Variants in PDE3B observed in about 807,000 individuals in gnomAD.
PDE3B encodes the protein cGMP-inhibited 3',5'-cyclic phosphodiesterase 3B.
A neutral mutation model predicts 116.8 loss-of-function variants in PDE3B; 66 were observed. The observed-to-expected ratio is 0.56, with a 90% confidence interval of 0.46 to 0.69. The LOEUF (loss-of-function observed/expected upper bound fraction) is 0.69, where lower values mean the gene tolerates loss of function less well. Ranked by LOEUF, PDE3B falls within the 30% of genes least tolerant of loss-of-function variation. The pLI is 0.00. For missense variants in PDE3B, 1,384 were observed against 1,368.1 expected (o/e 1.01, Z -0.18); for synonymous variants, 595 against 533.6 (o/e 1.12, Z -1.59).
intron 1 of PDE3B, among the ~76,000 whole-genome samples, chr11:14,662,906 T>G (rs1434700664): frequency 1.3e-5 from 2 of 152,156 alleles, no homozygotes; most frequent in African/African-American, 2.4e-5. Context: ...CTAGGAGAAC[T>G]TCCCCAATCT....
At chr11:14,865,814 TTTATA>T (rs1555007955) in intron 14 of PDE3B, among the ~76,000 whole-genome samples, 1 of 152,200 alleles carries the variant, frequency 6.6e-6, no homozygotes, top group African/African-American at 2.4e-5. Flanking sequence ...AAATGTTATC[TTTATA>T]TTATATGTAC....
intron 1 of PDE3B, among the ~76,000 whole-genome samples, chr11:14,735,622 G>C (rs1456490937): frequency 6.6e-6 from 1 of 152,160 alleles, no homozygotes; most frequent in Non-Finnish European, 1.5e-5. Context: ...AGTTAAACTA[G>C]TTAAAATTAC....
chr11:14,817,528 T>C (rs1449700534), intron 5 of PDE3B, among the ~76,000 whole-genome samples: 1 of 152,160 alleles, frequency 6.6e-6, no homozygotes, highest in African/African-American at 2.4e-5. Context: ...GGCAGGAGGA[T>C]GACTTGAGCC....
downstream of PDE3B, among the ~76,000 whole-genome samples, chr11:14,872,839 A>G (rs890201555): frequency 3.9e-5 from 6 of 152,242 alleles, no homozygotes; most frequent in African/African-American, 7.2e-5. Context: ...TTGCGGATGC[A>G]GAACCTGCCA....
intron 1 of PDE3B, among the ~76,000 whole-genome samples, chr11:14,682,024 C>A (rs1206026715): frequency 2.6e-5 from 4 of 152,060 alleles, no homozygotes; most frequent in Non-Finnish European, 5.9e-5. Flanking sequence ...TATATTCTTA[C>A]AATAAAGTAA....
intron 1 of PDE3B, among the ~76,000 whole-genome samples, chr11:14,736,782 C>A (rs1446417442): frequency 6.6e-6 from 1 of 151,994 alleles, no homozygotes; most frequent in Middle Eastern, 3.2e-3. Context: ...GTTCCACAAA[C>A]AATAAATCAA....
At chr11:14,708,785 T>G (rs7103459) in intron 1 of PDE3B, among the ~76,000 whole-genome samples, 7,079 of 151,332 alleles carry the variant, frequency 0.047, 335 homozygotes, top group East Asian at 0.11. Context: ...TATATATATA[T>G]AGAGAGAGAG....
the PDE3B span, chr11:14,877,861 C>A: frequency 2.3e-6 from 1 of 443,462 alleles, no homozygotes; most frequent in Non-Finnish European, 4.0e-6. Flanking sequence ...GTCCATGACC[C>A]TTCTTAGCAT....
intron 1 of PDE3B, among the ~76,000 whole-genome samples, chr11:14,693,003 C>G (rs2133808390): frequency 6.6e-6 from 1 of 152,270 alleles, no homozygotes. Flanking sequence ...AAGCGCTTCT[C>G]CAGTGAACAC....
intron 1 of PDE3B, among the ~76,000 whole-genome samples, chr11:14,668,099 G>A (rs1017257699): frequency 6.6e-6 from 1 of 151,786 alleles, no homozygotes; most frequent in East Asian, 1.9e-4. Flanking sequence ...AAGGAAGAAA[G>A]GGGGAGACAT....
intron 1 of PDE3B, among the ~76,000 whole-genome samples, chr11:14,715,012 T>G (rs1234016537): frequency 6.6e-6 from 1 of 152,178 alleles, no homozygotes; most frequent in Non-Finnish European, 1.5e-5. Flanking sequence ...AATTCTTCAG[T>G]AAAATTAGGT....
intron 1 of PDE3B, among the ~76,000 whole-genome samples, chr11:14,688,876 G>A (rs1590063660): frequency 6.6e-6 from 1 of 152,180 alleles, no homozygotes; most frequent in East Asian, 1.9e-4. Flanking sequence ...GGGTTCACGC[G>A]ATTCTTCTGC....
chr11:14,644,355 C>A lies in PDE3B; in HGVS notation c.280C>A (p.Leu94Met). 1 of 1,592,748 alleles carries A rather than the reference C, an allele frequency of 6.3e-7. No homozygotes were observed. Among genetic ancestry groups the A allele is most frequent in the African/African-American group, 1.4e-5 (1 of 73,816 alleles). The change falls in exon 1 of 16, where the codon CTG (leucine) becomes ATG (methionine). Residue 94 changes from leucine to methionine, a missense_variant. Around this residue, in one of 2 missense-constraint regions of PDE3B, gnomAD observed 956 missense variants for 806.8 expected, o/e 1.18. Coordinates refer to ENST00000282096, the MANE Select transcript of PDE3B (RefSeq NM_000922.4). ...GGCTGCCTTTGTCCTCGCCCTGCTGCTGGGCGCGGAACCCGAGAGCTGGGC... is the reference window on the plus strand; with the variant it reads ...GGCTGCCTTTGTCCTCGCCCTGCTGATGGGCGCGGAACCCGAGAGCTGGGC... ...ALAAFVLALLLGAEPESWAAG... is the reference protein window; with the variant it reads ...ALAAFVLALLMGAEPESWAAG...
At chr11:14,837,780 A>G (rs1420704319) in intron 11 of PDE3B, among the ~76,000 whole-genome samples, 1 of 152,196 alleles carries the variant, frequency 6.6e-6, no homozygotes, top group African/African-American at 2.4e-5. Flanking sequence ...TAGCTTTGGG[A>G]AACCAAATAG....
intron 1 of PDE3B, among the ~76,000 whole-genome samples, chr11:14,669,285 A>G (rs1018932651): frequency 1.3e-5 from 2 of 151,652 alleles, no homozygotes; most frequent in African/African-American, 4.8e-5. Flanking sequence ...GAGAATAACT[A>G]CCCCAGGCTC....
intron 1 of PDE3B, chr11:14,674,029 G>T: frequency 6.8e-7 from 1 of 1,473,370 alleles, no homozygotes; most frequent in Non-Finnish European, 9.5e-7. Flanking sequence ...TTTTCGTCTG[G>T]TAATTAAGTC....
chr11:14,742,745 G>T (rs778986700), intron 1 of PDE3B, among the ~76,000 whole-genome samples: 1 of 152,030 alleles, frequency 6.6e-6, no homozygotes, highest in Non-Finnish European at 1.5e-5. Context: ...TTTAATGTTG[G>T]TGACCTCTGG....
rs367590017 is a variant in PDE3B at position 14,648,049 on chromosome 11, A to G, written c.978+2996A>G. Among the ~76,000 whole-genome samples, 37 of 152,026 alleles carry G rather than the reference A, an allele frequency of 2.4e-4. No individual in the cohort carries two copies. In the South Asian group the frequency reaches 7.5e-3, roughly 31 times the overall value. On this transcript the variant is annotated intron_variant, in intron 1 of 15. Coordinates refer to ENST00000282096, the MANE Select transcript of PDE3B (RefSeq NM_000922.4). The stretch of plus-strand genomic sequence containing the variant: ...TGAGTTTGTAGTCTTATCTGCCAAG[A>G]ATCAGCAGAAACTAATAGGAAGTTT...
In PDE3B at chr11:14,693,779, A is replaced by G. The variant is rs141790336; in HGVS notation, c.978+48726A>G. 8.6e-3 allele frequency among the ~76,000 whole-genome samples: 1,312 copies of G among 152,336 alleles called. 15 individuals carry two copies. The highest frequency in any genetic ancestry group is 0.03 in the African/African-American group (1,253 of 41,562). On this transcript the variant is annotated intron_variant, in intron 1 of 15. Transcript: ENST00000282096. ...TTTCATGCCTGCAAACATAACATCC[A>G]TTCTGCAGCCCATGGATCAAGGAGT... is the stretch of plus-strand genomic sequence containing the variant.
Sources: allele counts gnomAD v4.1 joint callset (sites outside exome capture counted in the v4.1 genomes callset), GRCh38; gene constraint gnomAD v4.1.1; regional missense constraint gnomAD v4.1.1; transcripts MANE v1.5; gene names NCBI Gene and HGNC (gene_info 2026-07-23, HGNC 2026-07-21).